The following TBC1D32 variants were observed in gnomAD, a reference collection of about 807,000 sequenced individuals.
TBC1D32 encodes the protein TBC1 domain family member 32, also known as protein broad-minded.
In TBC1D32, 151 loss-of-function variants were observed where a neutral mutation model predicts 170.3. The observed-to-expected ratio is 0.89, with a 90% CI of 0.78 to 1.01. The LOEUF (loss-of-function observed/expected upper bound fraction) is 1.01. Among genes scored for constraint, TBC1D32 ranks in the 50% least tolerant of loss-of-function variants. The pLI is 0.00. For missense variants in TBC1D32, 1,464 were observed against 1,457.1 expected (o/e 1.00, Z -0.08); for synonymous variants, 498 against 488.0 (o/e 1.02, Z -0.27).
intron 26 of TBC1D32, among the ~76,000 whole-genome samples, chr6:121,125,763 C>G (rs955431132): frequency 6.6e-6 from 1 of 152,172 alleles, no homozygotes; most frequent in Non-Finnish European, 1.5e-5. Flanking sequence ...AGAGACATGT[C>G]TCAGCTCAGA....
chr6:121,180,133 G>A (rs1788319126), intron 22 of TBC1D32, among the ~76,000 whole-genome samples: 1 of 151,992 alleles, frequency 6.6e-6, no homozygotes, highest in Non-Finnish European at 1.5e-5. Context: ...TTATAGATTG[G>A]AAAACGGTAT....
chr6:121,279,669 T>A (rs1257908998), intron 14 of TBC1D32, among the ~76,000 whole-genome samples: 2 of 151,848 alleles, frequency 1.3e-5, no homozygotes, highest in Non-Finnish European at 2.9e-5. Context: ...CTTACACACA[T>A]GTTTGCGTCA....
At chr6:121,085,310 CATATATACACAT>C (rs1776121252) in intron 31 of TBC1D32, among the ~76,000 whole-genome samples, 1 of 141,566 alleles carries the variant, frequency 7.1e-6, no homozygotes, top group African/African-American at 2.7e-5. Context: ...CATATATATA[CATATATACACAT>C]ATATATATAC....
intron 21 of TBC1D32, among the ~76,000 whole-genome samples, chr6:121,206,869 G>A (rs553963852): frequency 6.6e-6 from 1 of 152,228 alleles, no homozygotes; most frequent in East Asian, 1.9e-4. Context: ...ATTCCCAGCT[G>A]CACAGTCACT....
chr6:121,325,776 G>A (rs979541080), intron 1 of TBC1D32, among the ~76,000 whole-genome samples: 33 of 152,252 alleles, frequency 2.2e-4, no homozygotes, highest in African/African-American at 7.5e-4. Context: ...TGACAAATGC[G>A]ATCTAATTAA....
chr6:121,198,667 C>T (rs1791143439), intron 22 of TBC1D32, among the ~76,000 whole-genome samples: 1 of 151,044 alleles, frequency 6.6e-6, no homozygotes, highest in African/African-American at 2.5e-5. Context: ...AGGAGAATGG[C>T]ATGAACCCGG....
chr6:121,296,055 C>A (rs1481365649), intron 10 of TBC1D32, among the ~76,000 whole-genome samples: 1 of 152,088 alleles, frequency 6.6e-6, no homozygotes, highest in Non-Finnish European at 1.5e-5. Flanking sequence ...AGCACCCCCA[C>A]CTCAAAAACA....
At chr6:121,288,330 G>A (rs1449980605) in intron 12 of TBC1D32, among the ~76,000 whole-genome samples, 3 of 152,078 alleles carry the variant, frequency 2.0e-5, no homozygotes, top group South Asian at 2.1e-4. Context: ...TATCAACACC[G>A]ATCCCACAGA....
At chr6:121,138,059 C>T (rs1782335738) in intron 24 of TBC1D32, among the ~76,000 whole-genome samples, 3 of 152,028 alleles carry the variant, frequency 2.0e-5, no homozygotes. Context: ...TTAATGCAGT[C>T]AGCATTTCAC....
chr6:121,284,112 T>C (rs1226155448), intron 12 of TBC1D32, among the ~76,000 whole-genome samples: 3 of 152,060 alleles, frequency 2.0e-5, no homozygotes, highest in Admixed American at 6.6e-5. Context: ...CAAGCAATGC[T>C]GTAGGTGCTA....
chr6:121,115,130 AATTCT>A lies in TBC1D32; in HGVS notation c.3053+37_3053+41del, dbSNP rs1193414299. On this transcript the variant is annotated intron_variant, in intron 27 of 31. Transcript: ENST00000398212. Reference sequence around the variant, plus strand: ...GAGCACATATGAGGCAGATAAAACAAATTCTAGAAATGCACAAGGGAGCTATTTCC... The same window carrying A: ...GAGCACATATGAGGCAGATAAAACAAAGAAATGCACAAGGGAGCTATTTCC... 9 of 1,510,984 alleles carry A rather than the reference AATTCT, an allele frequency of 6.0e-6. No homozygotes were observed. The East Asian group carries it at 2.1e-4, about 35-fold the overall frequency. 93.6% of individuals were successfully genotyped at this position (1,510,984 alleles called of 1,614,324 possible).
chr6:121,246,988 T>C (rs1327483907), intron 17 of TBC1D32, among the ~76,000 whole-genome samples: 5 of 151,952 alleles, frequency 3.3e-5, no homozygotes, highest in Non-Finnish European at 7.4e-5. Context: ...GGAAAATTCA[T>C]TGGGAAAAGA....
chr6:121,295,734 T>G (rs1345443491), intron 10 of TBC1D32, among the ~76,000 whole-genome samples: 1 of 152,076 alleles, frequency 6.6e-6, no homozygotes, highest in Non-Finnish European at 1.5e-5. Context: ...AATAAAGGTT[T>G]GAAAAGAAGC....
At chr6:121,287,001 A>T (rs1803963060) in intron 12 of TBC1D32, among the ~76,000 whole-genome samples, 1 of 152,188 alleles carries the variant, frequency 6.6e-6, no homozygotes, top group African/African-American at 2.4e-5. Flanking sequence ...TCCTGAAGGA[A>T]GCACTAAACA....
chr6:121,310,981 G>A lies in TBC1D32; in HGVS notation c.496-134C>T, dbSNP rs1808107068. ...GAAGGAGATGATCTATTTTGATTTG[G>A]CAGCAACTTAGAATTTTTCTTCCCA... is the stretch of plus-strand genomic sequence containing the variant. On this transcript the variant is annotated intron_variant, in intron 3 of 31. Coordinates refer to ENST00000398212, the MANE Select transcript of TBC1D32 (RefSeq NM_152730.6). 4.8e-6 allele frequency: 3 copies of A among 623,802 alleles called. No homozygotes were observed. The South Asian group carries it at 6.2e-5, about 13-fold the overall frequency. 38.6% of individuals were successfully genotyped at this position (623,802 alleles called of 1,614,324 possible). A position where few individuals can be genotyped will look rare whatever the true frequency, so the allele number is the denominator to read the frequency against.
chr6:121,294,949 G>A (rs1445034419), intron 10 of TBC1D32, among the ~76,000 whole-genome samples: 3 of 152,024 alleles, frequency 2.0e-5, no homozygotes, highest in African/African-American at 7.2e-5. Context: ...AGTGAAAAAC[G>A]CAAAAACTCT....
chr6:121,102,584 T>C (rs1199451981), intron 30 of TBC1D32, among the ~76,000 whole-genome samples: 1 of 152,070 alleles, frequency 6.6e-6, no homozygotes, highest in African/African-American at 2.4e-5. Flanking sequence ...ATACAAAAAT[T>C]AATTCAAGAT....
At chr6:121,083,737 C>A (rs1292983846) in intron 31 of TBC1D32, among the ~76,000 whole-genome samples, 2 of 152,044 alleles carry the variant, frequency 1.3e-5, no homozygotes, top group African/African-American at 4.8e-5. Flanking sequence ...GGTTTGAATT[C>A]TCCTATGTTA....
Position 121,304,385 on chromosome 6 carries a change from G to C in TBC1D32, c.915C>G (p.Phe305Leu), listed in dbSNP as rs755813147. The C allele has an allele frequency of 1.9e-6, 3 of 1,613,506 alleles. No homozygotes were observed. Among genetic ancestry groups the C allele is most frequent in the Non-Finnish European group, 2.5e-6 (3 of 1,179,660 alleles). Residue 305 changes from phenylalanine to leucine, a missense_variant, in exon 8 of 32, where the codon TTC (phenylalanine) becomes TTG (leucine). Transcript: ENST00000398212. ...CTTACTTCTCTGGATGACGAATCCA[G>C]AAAGATGGAGCTTCTTTCTGATATT... ...LNEYQKEAPS[F>L]WIRHPEKYME...
Sources: gnomAD v4.1 joint callset for allele counts (sites outside exome capture counted in the v4.1 genomes callset) on GRCh38, gnomAD v4.1.1 for gene constraint, MANE v1.5 for transcripts, NCBI Gene and HGNC (gene_info 2026-07-23, HGNC 2026-07-21) for gene names.